ENAH: variants seen among roughly 807,000 people sequenced by gnomAD.
The protein encoded by ENAH is protein enabled homolog.
In ENAH, 23 loss-of-function variants were observed where a neutral mutation model predicts 78.7. The observed-to-expected ratio is 0.29, with a 90% CI of 0.21 to 0.41. The LOEUF (loss-of-function observed/expected upper bound fraction) is 0.41, where lower values mean the gene tolerates loss of function less well. Ranked by LOEUF, ENAH falls within the 10% of genes least tolerant of loss-of-function variation. ENAH has a pLI of 1.00. For missense variants in ENAH, 544 were observed against 691.0 expected, an observed-to-expected ratio of 0.79 and a Z score of 2.39; for synonymous variants, 226 against 241.0, an observed-to-expected ratio of 0.94 and a Z score of 0.58.
intron 2 of ENAH, among the ~76,000 whole-genome samples, chr1:225,557,989 T>G (rs2096675902): frequency 6.6e-6 from 1 of 152,214 alleles, no homozygotes; most frequent in Admixed American, 6.5e-5. Context: ...GACTGGTTTT[T>G]CTGTTTTTAT....
chr1:225,597,321 A>G (rs1200444310), intron 1 of ENAH, among the ~76,000 whole-genome samples: 1 of 152,198 alleles, frequency 6.6e-6, no homozygotes, highest in Non-Finnish European at 1.5e-5. Context: ...GTCGTTATTC[A>G]TCAAAAATGT....
At chr1:225,580,666 C>T (rs966025895) in intron 1 of ENAH, among the ~76,000 whole-genome samples, 1 of 152,022 alleles carries the variant, frequency 6.6e-6, no homozygotes, top group Non-Finnish European at 1.5e-5. Context: ...GCCTGTAATC[C>T]CAGCACTTTG....
chr1:225,626,301 A>C (rs1657937023), intron 1 of ENAH, among the ~76,000 whole-genome samples: 1 of 152,246 alleles, frequency 6.6e-6, no homozygotes. Flanking sequence ...CAGTCAGCTT[A>C]AGTACAAACT....
chr1:225,564,939 A>G (rs2096727418), intron 2 of ENAH, among the ~76,000 whole-genome samples: 1 of 151,614 alleles, frequency 6.6e-6, no homozygotes, highest in African/African-American at 2.4e-5. Context: ...ATGTAATATC[A>G]CTCAGGTCTC....
intron 2 of ENAH, among the ~76,000 whole-genome samples, chr1:225,566,398 A>T (rs1558826715): frequency 1.3e-5 from 2 of 152,154 alleles, no homozygotes; most frequent in East Asian, 3.8e-4. Context: ...CTAATGCAGC[A>T]TCTGTTTACA....
At chr1:225,542,943 C>A (rs780326774) in intron 3 of ENAH, among the ~76,000 whole-genome samples, 5 of 151,154 alleles carry the variant, frequency 3.3e-5, no homozygotes, top group African/African-American at 4.9e-5. Context: ...CCTTTGAGTG[C>A]AGGAATTCGA....
Position 225,489,242 on chromosome 1 carries a change from T to C in ENAH, c.*8533A>G, listed in dbSNP as rs1397487725. The stretch of plus-strand genomic sequence containing the variant: ...GATCTCGTGTGGTCCCATTACATGA[T>C]TGGAATCAGTCTTTCTGAACGGCAG... On this transcript the variant is annotated 3_prime_UTR_variant, in exon 14 of 14. Transcript: ENST00000366843. The C allele has an allele frequency of 2.0e-5, 3 of 152,134 alleles. No individual in the cohort carries two copies. The highest frequency in any genetic ancestry group is 2.1e-4 in the South Asian group (1 of 4,814). 9.4% of individuals were successfully genotyped at this position (152,134 alleles called of 1,614,324 possible).
chr1:225,636,275 G>A (rs1340474216), intron 1 of ENAH, among the ~76,000 whole-genome samples: 4 of 152,142 alleles, frequency 2.6e-5, no homozygotes, highest in Non-Finnish European at 4.4e-5. Flanking sequence ...ACTTTTTACA[G>A]ACTCAGAAAA....
chr1:225,585,927 GA>G (rs1374172194), intron 1 of ENAH, among the ~76,000 whole-genome samples: 1 of 152,136 alleles, frequency 6.6e-6, no homozygotes, highest in Admixed American at 6.5e-5. Flanking sequence ...TCTTAAGTTA[GA>G]AAAGAATGGG....
chr1:225,635,727 C>T (rs1196154221), intron 1 of ENAH, among the ~76,000 whole-genome samples: 1 of 152,132 alleles, frequency 6.6e-6, no homozygotes, highest in Admixed American at 6.6e-5. Context: ...GAGTGGACCC[C>T]TTAATCCAAT....
intron 1 of ENAH, among the ~76,000 whole-genome samples, chr1:225,577,266 A>G (rs1003810186): frequency 6.6e-6 from 1 of 152,238 alleles, no homozygotes; most frequent in African/African-American, 2.4e-5. Context: ...TTAGAAACTT[A>G]TCTCCTTTGC....
intron 6 of ENAH, among the ~76,000 whole-genome samples, chr1:225,516,556 G>A (rs563528617): frequency 4.8e-4 from 73 of 152,216 alleles, no homozygotes; most frequent in South Asian, 1.5e-3. Context: ...GTAGATCAAC[G>A]TGTCAAGCAA....
chr1:225,612,372 T>C (rs1178186325), intron 1 of ENAH, among the ~76,000 whole-genome samples: 1 of 152,152 alleles, frequency 6.6e-6, no homozygotes, highest in Non-Finnish European at 1.5e-5. Flanking sequence ...ATGTCCAGAA[T>C]AGGCAAATCC....
chr1:225,541,175 C>T (rs571079020), intron 3 of ENAH, among the ~76,000 whole-genome samples: 1 of 152,198 alleles, frequency 6.6e-6, no homozygotes, highest in Non-Finnish European at 1.5e-5. Context: ...TGGCTCATGC[C>T]TGTAATCCCA....
intron 11 of ENAH, among the ~76,000 whole-genome samples, chr1:225,503,195 T>C (rs2096294446): frequency 6.6e-6 from 1 of 152,176 alleles, no homozygotes; most frequent in Non-Finnish European, 1.5e-5. Context: ...TCACCACTTT[T>C]TTTCTTAACT....
chr1:225,652,437 G>A, intron 1 of ENAH: 1 of 983,234 alleles, frequency 1.0e-6, no homozygotes, highest in African/African-American at 1.7e-5. Context: ...GGAAATCCTG[G>A]GTGAAAGAAG....
chr1:225,511,927 T>C, intron 9 of ENAH, 68 bp from the exon 10 acceptor site: 2 of 1,011,100 alleles, frequency 2.0e-6, no homozygotes, highest in Non-Finnish European at 3.0e-6. Context: ...TTTAGTGTTT[T>C]ACACGAACAC....
chr1:225,597,261 T>C (rs2096906202), intron 1 of ENAH, among the ~76,000 whole-genome samples: 1 of 152,046 alleles, frequency 6.6e-6, no homozygotes, highest in African/African-American at 2.4e-5. Flanking sequence ...TGGAACAAGG[T>C]CAATACTGAA....
intron 1 of ENAH, among the ~76,000 whole-genome samples, chr1:225,628,670 G>A (rs1473654286): frequency 6.6e-6 from 1 of 152,122 alleles, no homozygotes; most frequent in Non-Finnish European, 1.5e-5. Flanking sequence ...CAGCACTTTG[G>A]GAGGCCAAGG....
Sources: gnomAD v4.1 joint callset for allele counts (sites outside exome capture counted in the v4.1 genomes callset) on GRCh38, gnomAD v4.1.1 for gene constraint, MANE v1.5 for transcripts, NCBI Gene and HGNC (gene_info 2026-07-23, HGNC 2026-07-21) for gene names.